Variants in FHIP1A observed in about 807,000 individuals in gnomAD.
The protein encoded by FHIP1A is FHF complex subunit HOOK interacting protein 1A.
A neutral mutation model predicts 88.6 loss-of-function variants in FHIP1A; 61 were observed. The ratio of observed to expected loss-of-function variants is 0.69; its 90% CI spans 0.56 to 0.85. The LOEUF (loss-of-function observed/expected upper bound fraction) is 0.85. FHIP1A is among the 40% of genes least tolerant of loss of function. The pLI, the probability that FHIP1A is intolerant of heterozygous loss-of-function variation, is 0.00. For synonymous variants in FHIP1A, 478 were observed against 496.0 expected (o/e 0.96, Z 0.48); for missense variants, 1,154 against 1,273.5 (o/e 0.91, Z 1.43).
intron 4 of FHIP1A, among the ~76,000 whole-genome samples, chr4:151,574,304 A>AC (rs1733703615): frequency 1.3e-5 from 2 of 152,240 alleles, no homozygotes; most frequent in South Asian, 4.1e-4. Context: ...TAAAGAGGGT[A>AC]AAGATGCTTC....
intron 2 of FHIP1A, among the ~76,000 whole-genome samples, chr4:151,478,471 C>T (rs1219415031): frequency 6.6e-6 from 1 of 152,056 alleles, no homozygotes; most frequent in East Asian, 1.9e-4. Flanking sequence ...TGATTTTTAA[C>T]AGCTGAGTCT....
chr4:151,543,549 T>G (rs2126731321), intron 3 of FHIP1A, among the ~76,000 whole-genome samples: 1 of 152,340 alleles, frequency 6.6e-6, no homozygotes. Context: ...ATAACTACTA[T>G]TCACAGGTTA....
rs1234482560 is a variant in FHIP1A, at chr4:151,586,782, T to C, written c.874T>C (p.Cys292Arg). 1.3e-6 allele frequency: 2 copies of C among 1,550,282 alleles called. No homozygotes were observed. The highest frequency in any genetic ancestry group is 1.7e-6 in the Non-Finnish European group (2 of 1,145,922). Residue 292 changes from cysteine (C) to arginine (R), a missense_variant, in exon 6 of 14, where the codon TGC becomes CGC. Physicochemically the swap from Cys to Arg is radical, Grantham distance 180 (BLOSUM62 -3). Transcript: ENST00000435205. ...LVQFMNSLEF[C>R]NAVIQVAHPL... ...CCAGTTCATGAACTCCCTGGAGTTT[T>C]GCAATGCAGTCATACAGGTACCAGA...
intron 3 of FHIP1A, among the ~76,000 whole-genome samples, chr4:151,552,132 T>G (rs1009208484): frequency 2.0e-5 from 3 of 152,236 alleles, no homozygotes; most frequent in African/African-American, 7.2e-5. Context: ...TAAGATACCA[T>G]CTCACACCAG....
At chr4:151,411,346 T>C (rs201199728) in intron 1 of FHIP1A, among the ~76,000 whole-genome samples, 1,666 of 33,204 alleles carry the variant, frequency 0.05, 127 homozygotes, top group African/African-American at 0.11. Context: ...AAATTATATA[T>C]ATATTTTTTT....
intron 7 of FHIP1A, among the ~76,000 whole-genome samples, chr4:151,613,350 A>T (rs149251869): frequency 1.8e-4 from 28 of 152,342 alleles, no homozygotes; most frequent in African/African-American, 6.7e-4. Context: ...TGGAGATTTT[A>T]AATCTTTTTA....
At chr4:151,523,737 G>A (rs1299486596) in intron 3 of FHIP1A, among the ~76,000 whole-genome samples, 1 of 152,112 alleles carries the variant, frequency 6.6e-6, no homozygotes, top group East Asian at 1.9e-4. Flanking sequence ...TTCTCAATAT[G>A]TGTTTGGTAA....
intron 3 of FHIP1A, among the ~76,000 whole-genome samples, chr4:151,549,450 C>T (rs1274068801): frequency 6.7e-6 from 1 of 149,196 alleles, no homozygotes; most frequent in African/African-American, 2.5e-5. Context: ...AAGATCACAC[C>T]ACTGCGCTCC....
At chr4:151,436,378 T>G (rs1728198487) in intron 1 of FHIP1A, 1 of 152,176 alleles carries the variant, frequency 6.6e-6, no homozygotes, top group Admixed American at 6.6e-5. Flanking sequence ...GGTTTATTTT[T>G]ACCCTGTGGA....
At chr4:151,487,761 G>A (rs966750976) in intron 3 of FHIP1A, among the ~76,000 whole-genome samples, 1 of 152,156 alleles carries the variant, frequency 6.6e-6, no homozygotes, top group Non-Finnish European at 1.5e-5. Flanking sequence ...TACAAATAAG[G>A]AAACCGAACC....
intron 1 of FHIP1A, among the ~76,000 whole-genome samples, chr4:151,440,935 G>A (rs1728386225): frequency 6.6e-6 from 1 of 151,954 alleles, no homozygotes; most frequent in Non-Finnish European, 1.5e-5. Context: ...CCTTAGTGTC[G>A]CCGAATGCAG....
chr4:151,428,205 C>T (rs1157466473), intron 1 of FHIP1A, among the ~76,000 whole-genome samples: 10 of 152,066 alleles, frequency 6.6e-5, no homozygotes, highest in South Asian at 2.1e-4. Context: ...AAATGAGATA[C>T]ATCTTGAGTT....
At chr4:151,644,783 C>G (rs929415001) in intron 9 of FHIP1A, among the ~76,000 whole-genome samples, 1 of 152,174 alleles carries the variant, frequency 6.6e-6, no homozygotes, top group African/African-American at 2.4e-5. Flanking sequence ...ACCCCTCAAC[C>G]TGCTGCCCCT....
chr4:151,414,296 G>A (rs1231499428), intron 1 of FHIP1A, among the ~76,000 whole-genome samples: 1 of 152,050 alleles, frequency 6.6e-6, no homozygotes, highest in African/African-American at 2.4e-5. Context: ...TGGGTGATCT[G>A]CCCGCCTCGG....
intron 1 of FHIP1A, among the ~76,000 whole-genome samples, chr4:151,445,853 T>A (rs1421329774): frequency 7.7e-6 from 1 of 130,106 alleles, no homozygotes; most frequent in African/African-American, 3.3e-5. Flanking sequence ...TCTTAAAATA[T>A]ATATATATAT....
chr4:151,556,390 A>AGCAGT (rs889633236), intron 3 of FHIP1A, among the ~76,000 whole-genome samples: 8 of 152,194 alleles, frequency 5.3e-5, no homozygotes, highest in Admixed American at 2.6e-4. Context: ...AATTCTAATT[A>AGCAGT]GCAGTGTTTG....
chr4:151,485,332 A>G (rs1167811020), intron 3 of FHIP1A, among the ~76,000 whole-genome samples: 1 of 145,192 alleles, frequency 6.9e-6, no homozygotes, highest in Non-Finnish European at 1.5e-5. Flanking sequence ...AATGGCTTAA[A>G]ATAAATATGT....
chr4:151,580,434 A>G (rs1015930352), intron 5 of FHIP1A, among the ~76,000 whole-genome samples: 5 of 152,370 alleles, frequency 3.3e-5, no homozygotes, highest in Non-Finnish European at 7.3e-5. Flanking sequence ...TTGGTGATGC[A>G]TTGAGATACC....
At chr4:151,609,742 C>T (rs1252154278) in intron 7 of FHIP1A, among the ~76,000 whole-genome samples, 4 of 152,060 alleles carry the variant, frequency 2.6e-5, no homozygotes, top group Non-Finnish European at 5.9e-5. Context: ...ACTGGAAGAC[C>T]AGATCTTTCC....
Sources: allele counts gnomAD v4.1 joint callset (sites outside exome capture counted in the v4.1 genomes callset), GRCh38; gene constraint gnomAD v4.1.1; transcripts MANE v1.5; gene names NCBI Gene and HGNC (gene_info 2026-07-23, HGNC 2026-07-21).